SORCS3: variants seen among roughly 807,000 people sequenced by gnomAD.
SORCS3 encodes sortilin related VPS10 domain containing receptor 3, also known as VPS10 domain-containing receptor SorCS3.
In SORCS3, 57 loss-of-function variants were observed where a neutral mutation model predicts 146.3. The ratio of observed to expected loss-of-function variants is 0.39; its 90% CI spans 0.31 to 0.49. SORCS3 has a LOEUF of 0.49. SORCS3 is among the 20% of genes least tolerant of loss of function. SORCS3 has a pLI of 0.92. For synonymous variants in SORCS3, 653 were observed against 618.5 expected, an observed-to-expected ratio of 1.06 and a Z score of -0.83; for missense variants, 1,341 against 1,575.5, an observed-to-expected ratio of 0.85 and a Z score of 2.52.
chr10:105,257,195 G>A (rs1228913733), intron 25 of SORCS3, among the ~76,000 whole-genome samples: 2 of 152,158 alleles, frequency 1.3e-5, no homozygotes, highest in African/African-American at 4.8e-5. Flanking sequence ...CAAGAGAAGT[G>A]TAAGGGGTTT....
rs554199910 is a variant in SORCS3, at chr10:105,262,774, C to CA, written c.3604+287dup. Among the ~76,000 whole-genome samples, 248 of 152,258 alleles carry CA rather than the reference C, an allele frequency of 1.6e-3. 1 individual carries two copies. Among genetic ancestry groups the CA allele is most frequent in the African/African-American group, 5.8e-3 (242 of 41,562 alleles). ...GGCTTTTACTTCTTTTTCTATAAAGCAAAAGTATTATATGTCCTTACTAAT... is the reference window on the plus strand; with the variant it reads ...GGCTTTTACTTCTTTTTCTATAAAGCAAAAAGTATTATATGTCCTTACTAAT... On this transcript the variant is annotated intron_variant, in intron 26 of 26. Coordinates refer to ENST00000369701, the MANE Select transcript of SORCS3 (RefSeq NM_014978.3).
intron 1 of SORCS3, among the ~76,000 whole-genome samples, chr10:104,755,861 C>G (rs1399501541): frequency 6.6e-6 from 1 of 152,162 alleles, no homozygotes; most frequent in African/African-American, 2.4e-5. Flanking sequence ...TCTGTTTTCT[C>G]CATTAGATTG....
intron 7 of SORCS3, among the ~76,000 whole-genome samples, chr10:105,114,005 G>A (rs558594656): frequency 4.5e-4 from 68 of 152,226 alleles, no homozygotes; most frequent in Admixed American, 8.5e-4. Flanking sequence ...ATGGAGTAGC[G>A]TTTCTAGTGA....
chr10:104,849,168 T>A (rs1016061881), intron 2 of SORCS3, among the ~76,000 whole-genome samples: 1 of 152,074 alleles, frequency 6.6e-6, no homozygotes, highest in Non-Finnish European at 1.5e-5. Context: ...CCCAGCACTT[T>A]GGGAGGCTCA....
intron 7 of SORCS3, among the ~76,000 whole-genome samples, chr10:105,124,586 C>T (rs1385558431): frequency 6.6e-6 from 1 of 152,106 alleles, no homozygotes; most frequent in Non-Finnish European, 1.5e-5. Context: ...ACATCTGTTA[C>T]AAAAAAATAC....
At chr10:105,052,042 C>T (rs903878039) in intron 5 of SORCS3, among the ~76,000 whole-genome samples, 7 of 152,014 alleles carry the variant, frequency 4.6e-5, no homozygotes, top group African/African-American at 1.7e-4. Context: ...GGTAGTTAGC[C>T]ATGGCACTGA....
At chr10:104,681,455 T>C (rs1212219978) in intron 1 of SORCS3, among the ~76,000 whole-genome samples, 1 of 152,140 alleles carries the variant, frequency 6.6e-6, no homozygotes, top group Non-Finnish European at 1.5e-5. Flanking sequence ...AAGTCCAAGA[T>C]GGGCTTCCAG....
chr10:105,239,809 T>A (rs2056812804), intron 20 of SORCS3, among the ~76,000 whole-genome samples: 1 of 152,228 alleles, frequency 6.6e-6, no homozygotes, highest in Non-Finnish European at 1.5e-5. Flanking sequence ...AAATACTTGA[T>A]TTAATTTAGC....
chr10:105,010,118 G>A (rs534181617), intron 4 of SORCS3, among the ~76,000 whole-genome samples: 3 of 152,244 alleles, frequency 2.0e-5, no homozygotes, highest in East Asian at 3.9e-4. Flanking sequence ...GTGCACCTCT[G>A]CTCTTTCCCA....
At chr10:105,148,432 A>T (rs111591557) in intron 9 of SORCS3, among the ~76,000 whole-genome samples, 16 of 152,242 alleles carry the variant, frequency 1.1e-4, no homozygotes, top group African/African-American at 2.9e-4. Flanking sequence ...AGAGAAAGAG[A>T]GAAAAAAAGA....
At chr10:105,002,683 A>G (rs554050927) in intron 4 of SORCS3, among the ~76,000 whole-genome samples, 3 of 152,350 alleles carry the variant, frequency 2.0e-5, no homozygotes, top group African/African-American at 7.2e-5. Context: ...CAGATGTAGA[A>G]CTTTTGCATC....
At chr10:104,881,340 CCTGT>C (rs376049304) in intron 2 of SORCS3, among the ~76,000 whole-genome samples, 51 of 152,236 alleles carry the variant, frequency 3.4e-4, no homozygotes, top group African/African-American at 1.0e-3. Context: ...ATCAAAATGG[CCTGT>C]CTATTTGTGA....
chr10:104,721,218 A>G (rs2016543505), intron 1 of SORCS3, among the ~76,000 whole-genome samples: 1 of 152,178 alleles, frequency 6.6e-6, no homozygotes, highest in South Asian at 2.1e-4. Context: ...TCCCAGCACC[A>G]TTTATTAAAT....
In SORCS3 at chr10:104,686,597, C is replaced by T; in HGVS notation, c.627+44643C>T. Reference sequence around the variant, plus strand: ...ACCCTGGGGGAGAGCCATTTGGATTCAGAAGGCCACACAAGTCTTCTCTCT... The same window carrying T: ...ACCCTGGGGGAGAGCCATTTGGATTTAGAAGGCCACACAAGTCTTCTCTCT... On this transcript the variant is annotated intron_variant, in intron 1 of 26. Transcript: ENST00000369701. 1.3e-5 allele frequency among the ~76,000 whole-genome samples: 2 copies of T among 152,150 alleles called. 1 individual carries two copies. Among genetic ancestry groups the T allele is most frequent in the Non-Finnish European group, 2.9e-5 (2 of 68,014 alleles).
At chr10:105,089,487 G>A (rs2055686193) in intron 5 of SORCS3, among the ~76,000 whole-genome samples, 2 of 152,290 alleles carry the variant, frequency 1.3e-5, no homozygotes, top group East Asian at 1.9e-4. Context: ...CCAGGAGCAA[G>A]GTGTAGACCA....
At chr10:105,209,814 TG>T (rs1164251259) in intron 16 of SORCS3, among the ~76,000 whole-genome samples, 2 of 151,940 alleles carry the variant, frequency 1.3e-5, no homozygotes, top group Non-Finnish European at 2.9e-5. Context: ...GGTAAGAAGG[TG>T]GGGTGGGGTC....
intron 13 of SORCS3, among the ~76,000 whole-genome samples, chr10:105,172,029 G>T (rs1044784389): frequency 2.4e-4 from 37 of 152,226 alleles, no homozygotes; most frequent in African/African-American, 8.7e-4. Flanking sequence ...TTGTATAATG[G>T]CTTTAGTTGT....
chr10:105,118,163 G>A (rs1404086818), intron 7 of SORCS3, among the ~76,000 whole-genome samples: 1 of 152,114 alleles, frequency 6.6e-6, no homozygotes, highest in African/African-American at 2.4e-5. Context: ...GGACCCAGTG[G>A]GAGGTAATTG....
chr10:105,189,172 G>A (rs529537910), intron 14 of SORCS3, among the ~76,000 whole-genome samples: 2 of 152,282 alleles, frequency 1.3e-5, no homozygotes, highest in East Asian at 3.9e-4. Context: ...GAGGGTCTTT[G>A]CCTGCCCTCA....
Sources: allele counts gnomAD v4.1 joint callset (sites outside exome capture counted in the v4.1 genomes callset), GRCh38; gene constraint gnomAD v4.1.1; transcripts MANE v1.5; gene names NCBI Gene and HGNC (gene_info 2026-07-23, HGNC 2026-07-21).